SPATC1: variants seen among roughly 807,000 people sequenced by gnomAD.
SPATC1 encodes spermatogenesis and centriole associated 1.
A neutral mutation model predicts 36.5 loss-of-function variants in SPATC1; 35 were observed. The ratio of observed to expected loss-of-function variants is 0.96; its 90% CI spans 0.73 to 1.27. The LOEUF (loss-of-function observed/expected upper bound fraction) is 1.27. Among genes scored for constraint, SPATC1 ranks in the 50% most tolerant of loss-of-function variants. The pLI is 0.00. For missense variants in SPATC1, 779 were observed against 796.0 expected, an observed-to-expected ratio of 0.98 and a Z score of 0.26; for synonymous variants, 361 against 353.6, an observed-to-expected ratio of 1.02 and a Z score of -0.24.
At position 144,033,322 on chromosome 8, in the gene SPATC1, C is replaced by T. The variant is rs932987751; in HGVS notation, c.212-6587C>T. On this transcript the variant is annotated intron_variant, in intron 1 of 4. Coordinates refer to ENST00000377470, the MANE Select transcript of SPATC1 (RefSeq NM_198572.3). The stretch of plus-strand genomic sequence containing the variant: ...CTGAGACTGGAGAATCGTTTGAACC[C>T]GGGAGGAGGAGGTTGCAGTGAGCTG... 9.6e-4 allele frequency among the ~76,000 whole-genome samples: 145 copies of T among 151,578 alleles called. 1 individual carries two copies. In the South Asian group the frequency reaches 0.015, roughly 16 times the overall value.
rs781818211 is a variant in SPATC1 at position 144,012,654 on chromosome 8, G to A, written c.139G>A (p.Gly47Arg). 6.8e-5 allele frequency: 106 copies of A among 1,551,582 alleles called. No individual in the cohort carries two copies. The highest frequency in any genetic ancestry group is 1.7e-4 in the Middle Eastern group (1 of 6,014). The change falls in exon 1 of 5, where the codon GGG becomes AGG. Residue 47 changes from glycine (G) to arginine (R), a missense_variant. Transcript: ENST00000377470. The part of the protein sequence containing the change: ...LKSAIKTQAG[G>R]LGISGFTSGL... ...GTCAGCGATCAAGACTCAGGCAGGC[G>A]GGCTCGGCATCAGCGGGTTCACGAG...
intron 1 of SPATC1, among the ~76,000 whole-genome samples, chr8:144,025,025 A>G (rs1834647740): frequency 9.0e-6 from 1 of 110,730 alleles, no homozygotes; most frequent in Non-Finnish European, 1.9e-5. Context: ...TCTCAGGACC[A>G]TCTCACCTCA....
rs1835058365 is a variant in SPATC1 at position 144,040,691 on chromosome 8, C to T, written c.890C>T (p.Thr297Met). The change falls in exon 3 of 5, where the codon ACG becomes ATG. Residue 297 changes from threonine (T) to methionine (M), a missense_variant. Thr to Met is a moderately conservative substitution (Grantham distance 81, BLOSUM62 -1). Transcript: ENST00000377470. ...GCCATGGGCACACCTGCTCCCAAGA[C>T]GGCCTTCTCCTTCAACACTTCGGAC... ...IGAMGTPAPK[T>M]AFSFNTSDTQ... 1.2e-5 allele frequency: 19 copies of T among 1,613,818 alleles called. No individual in the cohort carries two copies. In the East Asian group the frequency reaches 1.6e-4, roughly 13 times the overall value.
intron 1 of SPATC1, among the ~76,000 whole-genome samples, chr8:144,014,585 A>C (rs1554752902): frequency 6.6e-6 from 1 of 152,170 alleles, no homozygotes; most frequent in African/African-American, 2.4e-5. Context: ...CCCAGCTTTC[A>C]TTCTTAAGGG....
chr8:144,024,748 C>T (rs2133115798), intron 1 of SPATC1, among the ~76,000 whole-genome samples: 1 of 136,522 alleles, frequency 7.3e-6, no homozygotes, highest in South Asian at 2.4e-4. Flanking sequence ...CCCTGAAAAC[C>T]CTCCTTCCCT....
At chr8:144,039,332 C>A (rs1212642188) in intron 1 of SPATC1, among the ~76,000 whole-genome samples, 1 of 152,198 alleles carries the variant, frequency 6.6e-6, no homozygotes, top group Non-Finnish European at 1.5e-5. Flanking sequence ...CCAGCTCTGA[C>A]CTGCATCCCT....
At chr8:144,022,553 C>CCTCAGGATCTTCTT (rs1404268236) in intron 1 of SPATC1, among the ~76,000 whole-genome samples, 3 of 56,830 alleles carry the variant, frequency 5.3e-5, no homozygotes, top group Non-Finnish European at 7.3e-5. Flanking sequence ...AAAACCCTTC[C>CCTCAGGATCTTCTT]CCCTCAGGAC....
rs139587335 is a variant in SPATC1 at position 144,045,056 on chromosome 8, G to A, written c.1447-1571G>A. Among the ~76,000 whole-genome samples, 160 of 152,340 alleles carry A rather than the reference G, an allele frequency of 1.1e-3. 1 individual carries two copies. Among genetic ancestry groups the A allele is most frequent in the African/African-American group, 3.5e-3 (146 of 41,590 alleles). ...CTGGTGCTCAGTGCTCACTGGGGCC[G>A]CTGCCTGTAACCCCCAGTACACTCC... On this transcript the variant is annotated intron_variant, in intron 4 of 4. Coordinates refer to ENST00000377470, the MANE Select transcript of SPATC1 (RefSeq NM_198572.3). This position sits in a 1 kb window ranked among gnomAD's most constrained non-coding sequence, Gnocchi z 5.2.
At chr8:144,041,625 C>T (rs1430637688) in intron 4 of SPATC1, among the ~76,000 whole-genome samples, 2 of 152,228 alleles carry the variant, frequency 1.3e-5, no homozygotes, top group Non-Finnish European at 2.9e-5. Context: ...ACCAGGATGG[C>T]CTCCTCTGTG....
chr8:144,045,121 A>T lies in SPATC1; in HGVS notation c.1447-1506A>T, dbSNP rs1554756582. Among the ~76,000 whole-genome samples the T allele has an allele frequency of 6.6e-6, 1 of 152,214 alleles. No homozygotes were observed. Among genetic ancestry groups the T allele is most frequent in the Non-Finnish European group, 1.5e-5 (1 of 68,018 alleles). ...TGATTTCCTTCCCATCCCAGCAGGG[A>T]AACTGAGGCTCAGTCCCAGTGTGAT... On this transcript the variant is annotated intron_variant, in intron 4 of 4. Transcript: ENST00000377470. This position sits in a 1 kb window ranked among gnomAD's most constrained non-coding sequence, Gnocchi z 5.2.
intron 1 of SPATC1, among the ~76,000 whole-genome samples, chr8:144,029,172 C>A (rs991070744): frequency 2.3e-5 from 3 of 131,772 alleles, no homozygotes; most frequent in Non-Finnish European, 4.6e-5. Flanking sequence ...ATGTAACAAA[C>A]CTGCACATCC....
intron 1 of SPATC1, among the ~76,000 whole-genome samples, chr8:144,038,543 T>C (rs190387068): frequency 1.3e-5 from 2 of 151,928 alleles, no homozygotes; most frequent in East Asian, 2.0e-4. Context: ...AGTGCAATCA[T>C]AGCTCACTGC....
intron 1 of SPATC1, among the ~76,000 whole-genome samples, chr8:144,030,872 C>T (rs2133125767): frequency 6.6e-6 from 1 of 152,072 alleles, no homozygotes; most frequent in Admixed American, 6.6e-5. Context: ...TTAATAGCAA[C>T]TTAGCTTTAA....
At chr8:144,030,430 C>G (rs1834770850) in intron 1 of SPATC1, among the ~76,000 whole-genome samples, 1 of 152,232 alleles carries the variant, frequency 6.6e-6, no homozygotes. Context: ...CACGTCTCAG[C>G]TCACTGCAGC....
At chr8:144,038,447 C>T (rs1209615167) in intron 1 of SPATC1, among the ~76,000 whole-genome samples, 1 of 140,984 alleles carries the variant, frequency 7.1e-6, no homozygotes, top group Non-Finnish European at 1.5e-5. Flanking sequence ...AAAAAAAAAA[C>T]CGCATGAATT....
chr8:144,033,133 C>T (rs1393287208), intron 1 of SPATC1, among the ~76,000 whole-genome samples: 1 of 151,798 alleles, frequency 6.6e-6, no homozygotes, highest in Non-Finnish European at 1.5e-5. Context: ...CAGTGGCTCA[C>T]GCCTGTTATC....
Position 144,041,288 on chromosome 8 carries a change from C to A in SPATC1, c.1363C>A (p.Arg455Ser), listed in dbSNP as rs781800698. The A allele has an allele frequency of 1.2e-6, 2 of 1,612,974 alleles. No individual in the cohort carries two copies. The highest frequency in any genetic ancestry group is 3.3e-5 in the Admixed American group (2 of 59,994). The change falls in exon 4 of 5, where the codon CGC (arginine) becomes AGC (serine). Residue 455 changes from arginine to serine, a missense_variant. Physicochemically the swap from Arg to Ser is moderately radical, Grantham distance 110 (BLOSUM62 -1). Coordinates refer to ENST00000377470, the MANE Select transcript of SPATC1 (RefSeq NM_198572.3). ...LVGEIAFQLDRRILSSIFPER... is the reference protein window; with the variant it reads ...LVGEIAFQLDSRILSSIFPER... The stretch of plus-strand genomic sequence containing the variant: ...GGGTGAGATTGCCTTCCAGCTGGAC[C>A]GCAGGATCCTGTCCAGCATCTTCCC...
intron 2 of SPATC1, 51 bp from the exon 3 acceptor site, chr8:144,040,517 C>T: frequency 6.4e-7 from 1 of 1,562,230 alleles, no homozygotes; most frequent in Non-Finnish European, 8.7e-7. Context: ...AGAGCCCTCC[C>T]ACCTCACTCT....
rs1272573176 is a variant in SPATC1, at chr8:144,040,671, G to A, written c.870G>A (p.Met290Ile). 3 of 1,613,190 alleles carry A rather than the reference G, an allele frequency of 1.9e-6. No homozygotes were observed. The highest frequency in any genetic ancestry group is 2.5e-6 in the Non-Finnish European group (3 of 1,179,822). Residue 290 changes from methionine to isoleucine, a missense_variant, in exon 3 of 5, where the codon ATG becomes ATA. By Grantham distance (10) the Met-to-Ile change is conservative. Coordinates refer to ENST00000377470, the MANE Select transcript of SPATC1 (RefSeq NM_198572.3). ...PLQTSTPIGA[M>I]GTPAPKTAFS... ...AGACCTCCACCCCTATCGGAGCCATGGGCACACCTGCTCCCAAGACGGCCT... is the reference window on the plus strand; with the variant it reads ...AGACCTCCACCCCTATCGGAGCCATAGGCACACCTGCTCCCAAGACGGCCT...
Sources: allele counts gnomAD v4.1 joint callset (sites outside exome capture counted in the v4.1 genomes callset), GRCh38; gene constraint gnomAD v4.1.1; non-coding constraint Gnocchi (gnomAD v3.1); transcripts MANE v1.5; gene names NCBI Gene and HGNC (gene_info 2026-07-23, HGNC 2026-07-21).